The following EWSR1 variants were observed in gnomAD, a reference collection of about 807,000 sequenced individuals.
EWSR1 encodes EWS RNA binding protein 1.
A neutral mutation model predicts 92.1 loss-of-function variants in EWSR1; 14 were observed. The ratio of observed to expected loss-of-function variants is 0.15; its 90% CI spans 0.10 to 0.24. The LOEUF (loss-of-function observed/expected upper bound fraction) is 0.24. EWSR1 is among the 10% of genes least tolerant of loss of function. The pLI, the probability that EWSR1 is intolerant of heterozygous loss-of-function variation, is 1.00. For synonymous variants in EWSR1, 303 were observed against 292.9 expected, an observed-to-expected ratio of 1.03 and a Z score of -0.35; for missense variants, 637 against 870.9, an observed-to-expected ratio of 0.73 and a Z score of 3.38.
At chr22:29,299,486 G>T in intron 15 of EWSR1, 113 bp from the exon 16 acceptor site, 1 of 1,490,304 alleles carries the variant, frequency 6.7e-7, no homozygotes, top group East Asian at 2.3e-5. Flanking sequence ...GAGATTGAGT[G>T]AAGTGTCTGG....
Position 29,298,746 on chromosome 22 carries a change from A to T in EWSR1, c.1431A>T (p.Pro477=), listed in dbSNP as rs1387758501. 6.2e-7 allele frequency: 1 copy of T among 1,613,664 alleles called. No individual in the cohort carries two copies. The highest frequency in any genetic ancestry group is 8.5e-7 in the Non-Finnish European group (1 of 1,179,968). ...TTCTTGTTGTAGGTCCAGGAGGCCC[A>T]GGAGGTCCTGGGGGACCCATGGGTC... ...PPPLRGGPGG[P]GGPGGPMGRM... is the part of the protein sequence containing the mutation. The change falls in exon 14 of 17, where the codon CCA becomes CCT. Residue 477 remains proline, a synonymous_variant. Coordinates refer to ENST00000397938, the MANE Select transcript of EWSR1 (RefSeq NM_005243.4).
At chr22:29,271,642 A>G (rs570116575) in intron 1 of EWSR1, among the ~76,000 whole-genome samples, 1 of 152,344 alleles carries the variant, frequency 6.6e-6, no homozygotes, top group East Asian at 1.9e-4. Context: ...TAGTTCTGAC[A>G]CAGCAAACCC....
chr22:29,274,385 T>C lies in EWSR1; in HGVS notation c.226+521T>C, dbSNP rs1002432659. The C allele has an allele frequency of 2.3e-6, 3 of 1,301,160 alleles. No individual in the cohort carries two copies. In the African/African-American group the frequency reaches 4.4e-5, roughly 19 times the overall value. 80.6% of individuals were successfully genotyped at this position (1,301,160 alleles called of 1,614,324 possible). A position where few individuals can be genotyped will look rare whatever the true frequency, so the allele number is the denominator to read the frequency against. On this transcript the variant is annotated intron_variant, in intron 4 of 16. Coordinates refer to ENST00000397938, the MANE Select transcript of EWSR1 (RefSeq NM_005243.4). ...TTTTCATTTGTTGAACCCCCAAACT[T>C]TCTAACATCACACACAGCAAGGTGC...
intron 6 of EWSR1, among the ~76,000 whole-genome samples, chr22:29,286,213 G>A (rs1376116900): frequency 1.3e-5 from 2 of 150,464 alleles, no homozygotes; most frequent in African/African-American, 2.4e-5. Flanking sequence ...GTACAGTAGC[G>A]GATCTCAGCT....
At chr22:29,298,680 A>T in intron 13 of EWSR1, 53 bp from the exon 14 acceptor site, 1 of 1,605,310 alleles carries the variant, frequency 6.2e-7, no homozygotes, top group Non-Finnish European at 8.5e-7. Flanking sequence ...TTCCTATAGC[A>T]AATTTGGTGC....
In EWSR1 at chr22:29,298,716, T is replaced by C; in HGVS notation, c.1418-17T>C. 1.2e-6 allele frequency: 2 copies of C among 1,611,296 alleles called. No homozygotes were observed. Among genetic ancestry groups the C allele is most frequent in the South Asian group, 2.2e-5 (2 of 90,846 alleles). ...TACAGAGAAATGATTTGCTGTTTCT[T>C]GTTGTTCTTGTTGTAGGTCCAGGAG... On this transcript the variant is annotated splice_polypyrimidine_tract_variant and intron_variant, in intron 13 of 16. Coordinates refer to ENST00000397938, the MANE Select transcript of EWSR1 (RefSeq NM_005243.4).
At chr22:29,299,528 A>C in intron 15 of EWSR1, 71 bp from the exon 16 acceptor site, 1 of 1,513,670 alleles carries the variant, frequency 6.6e-7, no homozygotes, top group Non-Finnish European at 8.9e-7. Flanking sequence ...GAAGCAGAGC[A>C]GCTTCCACAG....
Position 29,296,294 on chromosome 22 carries a change from G to A in EWSR1, c.1220G>A (p.Gly407Glu). ...MIHIYLDKET[G>E]KPKGDATVSY... ...CACATCTACCTGGACAAGGAAACAGGAAAGCCCAAAGGCGATGCCACAGTG... is the reference window on the plus strand; with the variant it reads ...CACATCTACCTGGACAAGGAAACAGAAAAGCCCAAAGGCGATGCCACAGTG... Residue 407 changes from glycine to glutamate, a missense_variant, in exon 12 of 17, where the codon GGA becomes GAA. By Grantham distance (98) the Gly-to-Glu change is moderately conservative. Transcript: ENST00000397938. 6.2e-7 allele frequency: 1 copy of A among 1,614,192 alleles called. No homozygotes were observed. The highest frequency in any genetic ancestry group is 8.5e-7 in the Non-Finnish European group (1 of 1,180,020).
At chr22:29,293,230 A>C (rs544363118) in intron 11 of EWSR1, among the ~76,000 whole-genome samples, 7 of 151,294 alleles carry the variant, frequency 4.6e-5, no homozygotes, top group African/African-American at 1.7e-4. Flanking sequence ...CTGGTCTCTA[A>C]CTCCTGGCCA....
intron 6 of EWSR1, among the ~76,000 whole-genome samples, chr22:29,283,321 C>T (rs1341149565): frequency 6.6e-6 from 1 of 152,108 alleles, no homozygotes; most frequent in Non-Finnish European, 1.5e-5. Context: ...ATGTATGGGC[C>T]AACTCTTTTT....
chr22:29,271,388 A>T lies in EWSR1; in HGVS notation c.14-828A>T, dbSNP rs1276284458. Among the ~76,000 whole-genome samples the T allele has an allele frequency of 2.6e-5, 4 of 152,148 alleles. No homozygotes were observed. In the East Asian group the frequency reaches 7.7e-4, roughly 29 times the overall value. ...GTGGACCAGTTTTTGGTCCCTTTGG[A>T]TGCATGTTATAAATTTCATAGGAAA... On this transcript the variant is annotated intron_variant, in intron 1 of 16. Transcript: ENST00000397938.
chr22:29,283,430 A>G (rs1436810470), intron 6 of EWSR1, among the ~76,000 whole-genome samples: 2 of 151,672 alleles, frequency 1.3e-5, no homozygotes, highest in African/African-American at 2.4e-5. Context: ...ATCTCCGCTC[A>G]CTGCAACCTC....
At chr22:29,284,212 C>T (rs182043479) in intron 6 of EWSR1, among the ~76,000 whole-genome samples, 145 of 151,412 alleles carry the variant, frequency 9.6e-4, no homozygotes, top group Non-Finnish European at 1.7e-3. Context: ...TCAAGTGATC[C>T]GCCCACCTTG....
chr22:29,290,152 C>G (rs2060342041), intron 8 of EWSR1: 1 of 342,648 alleles, frequency 2.9e-6, no homozygotes, highest in African/African-American at 2.1e-5. Context: ...TCTCTTGCAG[C>G]CATAGAAGAG....
chr22:29,278,426 C>T (rs889775985), intron 5 of EWSR1, among the ~76,000 whole-genome samples: 4 of 152,194 alleles, frequency 2.6e-5, no homozygotes, highest in Non-Finnish European at 5.9e-5. Context: ...GTTTCTCATG[C>T]CTGTAATTCT....
chr22:29,296,188 TCCCAAA>T, intron 11 of EWSR1, 45 bp from the exon 12 acceptor site: 1 of 1,563,938 alleles, frequency 6.4e-7, no homozygotes, highest in South Asian at 1.2e-5. Flanking sequence ...GACTTTTTTC[TCCCAAA>T]TTAGTATATT....
At chr22:29,277,845 G>A in intron 4 of EWSR1, 185 bp from the exon 5 acceptor site, 1 of 565,122 alleles carries the variant, frequency 1.8e-6, no homozygotes, top group Non-Finnish European at 3.1e-6. Context: ...CCAAAAACTA[G>A]GTACATTCAG....
chr22:29,278,079 G>T lies in EWSR1; in HGVS notation c.276G>T (p.Gly92=), dbSNP rs765011656. Residue 92 remains glycine (G), a synonymous_variant, in exon 5 of 17, where the codon GGG becomes GGT. Coordinates refer to ENST00000397938, the MANE Select transcript of EWSR1 (RefSeq NM_005243.4). ...APQAYSQPVQ[G]YGTGAYDTTT... Reference sequence around the variant, plus strand: ...AGGCATACAGCCAGCCTGTCCAGGGGTATGGCACTGGTGCTTATGATACCA... The same window carrying T: ...AGGCATACAGCCAGCCTGTCCAGGGTTATGGCACTGGTGCTTATGATACCA... 7.4e-6 allele frequency: 12 copies of T among 1,613,894 alleles called. No homozygotes were observed. In the Admixed American group the frequency reaches 1.2e-4, roughly 16 times the overall value.
At chr22:29,291,859 A>G in intron 9 of EWSR1, 2 of 569,544 alleles carry the variant, frequency 3.5e-6, no homozygotes, top group Non-Finnish European at 6.1e-6. Flanking sequence ...TTTAGAGGAA[A>G]AATTTTGACT....
Sources: allele counts gnomAD v4.1 joint callset (sites outside exome capture counted in the v4.1 genomes callset), GRCh38; gene constraint gnomAD v4.1.1; transcripts MANE v1.5; gene names NCBI Gene and HGNC (gene_info 2026-07-23, HGNC 2026-07-21).